Variants in DYSF observed in about 807,000 individuals in gnomAD.
DYSF encodes dystrophy-associated fer-1-like 1.
DYSF carries 212 observed loss-of-function variants against 274.9 expected under a neutral mutation model. The observed-to-expected ratio is 0.77, with a 90% CI of 0.69 to 0.86. DYSF has a LOEUF of 0.86. Ranked by LOEUF, DYSF falls within the 40% of genes least tolerant of loss-of-function variation. DYSF has a pLI of 0.00. For missense variants in DYSF, 2,666 were observed against 2,783.2 expected, an observed-to-expected ratio of 0.96 and a Z score of 0.95; for synonymous variants, 1,091 against 1,078.7, an observed-to-expected ratio of 1.01 and a Z score of -0.22.
At position 71,453,803 on chromosome 2, in the gene DYSF, C is replaced by T. The variant is rs964414681; in HGVS notation, c.-196C>T. ...AGCGCAGCCGGGGCGGGGACCCAGC[C>T]TAGCCCACTGGAGCAGCCGGGGGTG... On this transcript the variant is annotated 5_prime_UTR_variant, in exon 1 of 55. Coordinates refer to the DYSF transcript ENST00000258104. 1.2e-5 allele frequency: 8 copies of T among 640,774 alleles called. No homozygotes were observed. The South Asian group carries it at 1.4e-4, about 11-fold the overall frequency. The allele number at this position is 640,774 out of a possible 1,614,324, so 39.7% of individuals were successfully genotyped here. A position where few individuals can be genotyped will look rare whatever the true frequency, so the allele number is the denominator to read the frequency against.
At chr2:71,668,653 G>A (rs926907805) in intron 48 of DYSF, 101 bp from the exon 49 acceptor site, 2 of 1,155,758 alleles carry the variant, frequency 1.7e-6, no homozygotes, top group South Asian at 2.6e-5. Flanking sequence ...AAGGGCCTGG[G>A]TTTCTCTGTT....
At chr2:71,675,507 G>A (rs940657117) in intron 52 of DYSF, among the ~76,000 whole-genome samples, 1 of 152,178 alleles carries the variant, frequency 6.6e-6, no homozygotes, top group African/African-American at 2.4e-5. Flanking sequence ...ATTCTGAGGC[G>A]CGGCTTCCGG....
At chr2:71,674,877 C>A (rs936779083) in intron 52 of DYSF, among the ~76,000 whole-genome samples, 1 of 152,170 alleles carries the variant, frequency 6.6e-6, no homozygotes, top group Non-Finnish European at 1.5e-5. Context: ...CCTGCACGCT[C>A]ATCTGTGAGA....
chr2:71,672,536 A>G (rs1336679816), intron 51 of DYSF, among the ~76,000 whole-genome samples: 1 of 152,182 alleles, frequency 6.6e-6, no homozygotes, highest in African/African-American at 2.4e-5. Context: ...CCTGGAGCCC[A>G]GCACACCCTG....
intron 1 of DYSF, among the ~76,000 whole-genome samples, chr2:71,458,531 C>G (rs1338336633): frequency 6.6e-6 from 1 of 152,178 alleles, no homozygotes; most frequent in African/African-American, 2.4e-5. Flanking sequence ...CATTTGGCCA[C>G]CTGCCTGATG....
upstream of DYSF, among the ~76,000 whole-genome samples, chr2:71,466,290 C>T (rs1423959304): frequency 1.3e-5 from 2 of 152,226 alleles, no homozygotes; most frequent in African/African-American, 4.8e-5. Flanking sequence ...CCCGAAGACA[C>T]ACTCTCGTCC....
intron 20 of DYSF, 30 bp from the exon 21 acceptor site, chr2:71,553,777 A>G: frequency 5.2e-6 from 3 of 571,906 alleles, no homozygotes; most frequent in Non-Finnish European, 9.4e-6. Flanking sequence ...CACTCCTGGC[A>G]CAGCGCTCAG....
intron 12 of DYSF, among the ~76,000 whole-genome samples, chr2:71,521,940 G>A (rs988503663): frequency 6.6e-6 from 1 of 152,056 alleles, no homozygotes; most frequent in South Asian, 2.1e-4. Flanking sequence ...GCGATGAGTG[G>A]TGAGAGCTCT....
At chr2:71,672,401 T>A (rs2095141277) in intron 51 of DYSF, among the ~76,000 whole-genome samples, 1 of 152,126 alleles carries the variant, frequency 6.6e-6, no homozygotes, top group African/African-American at 2.4e-5. Flanking sequence ...GCCGTGGGGT[T>A]CAGGGCCTCT....
In DYSF at chr2:71,549,570, T is replaced by A. The variant is rs78761467; in HGVS notation, c.1577-1471T>A. Among the ~76,000 whole-genome samples, 2,763 of 152,098 alleles carry A rather than the reference T, an allele frequency of 0.018. 43 individuals carry two copies. Among genetic ancestry groups the A allele is most frequent in the Non-Finnish European group, 0.028 (1,881 of 67,984 alleles). On this transcript the variant is annotated intron_variant, in intron 17 of 55. Transcript: ENST00000410020. ...CACCTCTCGGCCTCTGTGGAGCATGTAAATCATCTGGAATGCTTTAAGGGG... is the reference window on the plus strand; with the variant it reads ...CACCTCTCGGCCTCTGTGGAGCATGAAAATCATCTGGAATGCTTTAAGGGG...
rs747617107 is a variant in DYSF, at chr2:71,679,027, C to A, written c.5885-30C>A. ...TACAGGCTGGCAGTGATCGAGAAAC[C>A]CTTGGCCAAAAACTACCTCTCTGTT... is the stretch of plus-strand genomic sequence containing the variant. On this transcript the variant is annotated intron_variant, in intron 52 of 55. Transcript: ENST00000410020. 4 of 1,612,056 alleles carry A rather than the reference C, an allele frequency of 2.5e-6. No individual in the cohort carries two copies. In the African/African-American group the frequency reaches 5.3e-5, roughly 22 times the overall value.
At chr2:71,641,522 C>T (rs2094486570) in intron 41 of DYSF, among the ~76,000 whole-genome samples, 1 of 152,030 alleles carries the variant, frequency 6.6e-6, no homozygotes, top group African/African-American at 2.4e-5. Context: ...TAATATTCTC[C>T]TTTCTAATAT....
Position 71,681,111 on chromosome 2 carries a change from G to A in DYSF, c.6173+1G>A, listed in dbSNP as rs1293857367. ...TGAACCCTAAGCTTGAGGACCCAAGGTCAGTGCCCAGCCCCTGAGCCCCAA... is the reference window on the plus strand; with the variant it reads ...TGAACCCTAAGCTTGAGGACCCAAGATCAGTGCCCAGCCCCTGAGCCCCAA... On this transcript the variant is annotated splice_donor_variant, in intron 54 of 55. Coordinates refer to ENST00000410020, the MANE Select transcript of DYSF (RefSeq NM_001130987.2). LOFTEE classifies it high-confidence loss of function. 1 of 1,613,790 alleles carries A rather than the reference G, an allele frequency of 6.2e-7. No individual in the cohort carries two copies. The highest frequency in any genetic ancestry group is 8.5e-7 in the Non-Finnish European group (1 of 1,179,944).
In DYSF at chr2:71,659,174, G is replaced by A. The variant is rs1030009428; in HGVS notation, c.4911+141G>A. ...AAACACACAAAACTGAGAGGTGCCT[G>A]GATGGAGTTGTGTTAAGGACCAAGT... On this transcript the variant is annotated intron_variant, in intron 44 of 55. Transcript: ENST00000410020. The A allele has an allele frequency of 5.8e-6, 7 of 1,208,070 alleles. No individual in the cohort carries two copies. In the African/African-American group the frequency reaches 9.1e-5, roughly 16 times the overall value. The allele number at this position is 1,208,070 out of a possible 1,614,324, so 74.8% of individuals were successfully genotyped here.
Position 71,574,384 on chromosome 2 carries a change from G to A in DYSF, c.3402+13G>A, listed in dbSNP as rs568315095. ...TGAGGGGGCCCTGGTATGTGGGGCT[G>A]CACTTGTCCTGGCTTGGGTAGGGTA... On this transcript the variant is annotated intron_variant, in intron 30 of 55. Coordinates refer to ENST00000410020, the MANE Select transcript of DYSF (RefSeq NM_001130987.2). The A allele has an allele frequency of 1.8e-5, 29 of 1,612,602 alleles. 2 individuals are homozygous for A. In the Middle Eastern group the frequency reaches 3.5e-3, roughly 193 times the overall value.
intron 51 of DYSF, among the ~76,000 whole-genome samples, chr2:71,670,991 C>A (rs1282934493): frequency 6.6e-6 from 1 of 152,188 alleles, no homozygotes; most frequent in Non-Finnish European, 1.5e-5. Flanking sequence ...CTCAAAGCTC[C>A]TATGACTCCT....
Position 71,611,549 on chromosome 2 carries a change from C to T in DYSF, c.4144C>T (p.Gln1382Ter), listed in dbSNP as rs886042095. 6.2e-7 allele frequency: 1 copy of T among 1,614,162 alleles called. No individual in the cohort carries two copies. The highest frequency in any genetic ancestry group is 8.5e-7 in the Non-Finnish European group (1 of 1,180,034). ...CAGCCTCGTGGTAGAGTGTGGGGGC[C>T]AGACGGTGCAGTCCTGTGTCATCAG... is the stretch of plus-strand genomic sequence containing the variant. ...SPSLVVECGG[Q>*]TVQSCVIRNL... The change falls in exon 38 of 56, where the codon CAG (glutamine) becomes TAG (stop). Residue 1382 changes from glutamine (Q) to a stop codon, truncating the protein, a stop_gained. Coordinates refer to ENST00000410020, the MANE Select transcript of DYSF (RefSeq NM_001130987.2). LOFTEE classifies it high-confidence loss of function.
chr2:71,582,812 A>G (rs904992323), intron 30 of DYSF, among the ~76,000 whole-genome samples: 2 of 152,188 alleles, frequency 1.3e-5, no homozygotes, highest in Non-Finnish European at 2.9e-5. Context: ...ACACTGATAC[A>G]TAATATTTCC....
chr2:71,570,902 C>T, intron 29 of DYSF, 161 bp downstream of exon 29: 10 of 997,362 alleles, frequency 1.0e-5, no homozygotes, highest in South Asian at 1.7e-5. Context: ...CCCAGCATAC[C>T]CAAAGATCAC....
Sources: allele counts gnomAD v4.1 joint callset (sites outside exome capture counted in the v4.1 genomes callset), GRCh38; gene constraint gnomAD v4.1.1; transcripts MANE v1.5; gene names NCBI Gene and HGNC (gene_info 2026-07-23, HGNC 2026-07-21).